The following MRPL49 variants were observed in gnomAD, a reference collection of about 807,000 sequenced individuals.
MRPL49 encodes the protein mitochondrial ribosomal protein L49, also known as large ribosomal subunit protein mL49.
In MRPL49, 14 loss-of-function variants were observed where a neutral mutation model predicts 18.4. The observed-to-expected ratio is 0.76, with a 90% CI of 0.50 to 1.19. The LOEUF (loss-of-function observed/expected upper bound fraction) is 1.19, where lower values mean the gene tolerates loss of function less well. Among genes scored for constraint, MRPL49 ranks in the 50% most tolerant of loss-of-function variants. MRPL49 has a pLI of 0.00. For missense variants in MRPL49, 190 were observed against 217.8 expected (o/e 0.87, Z 0.80); for synonymous variants, 104 against 86.2 (o/e 1.21, Z -1.14).
Position 65,122,331 on chromosome 11 carries a change from G to A in MRPL49, c.-16G>A, listed in dbSNP as rs1197823479. The A allele has an allele frequency of 3.7e-6, 6 of 1,610,202 alleles. No individual in the cohort carries two copies. The highest frequency in any genetic ancestry group is 5.1e-6 in the Non-Finnish European group (6 of 1,178,730). On this transcript the variant is annotated 5_prime_UTR_variant, in exon 1 of 4. Coordinates refer to ENST00000279242, the MANE Select transcript of MRPL49 (RefSeq NM_004927.4). ...CAGACAGTTGCGCGCACAGAAGGCT[G>A]GCGTAGCAGGTAAAGATGGCAGCTA...
chr11:65,122,283 G>A (rs1565334324), upstream of MRPL49: 1 of 1,572,746 alleles, frequency 6.4e-7, no homozygotes, highest in Non-Finnish European at 8.7e-7. Flanking sequence ...TGGGCAGGCA[G>A]CTCGCGCAGG....
rs1191942700 is a variant in MRPL49, at chr11:65,124,779, G to T, written c.229+127G>T. 11 of 1,048,324 alleles carry T rather than the reference G, an allele frequency of 1.0e-5. No individual in the cohort carries two copies. In the African/African-American group the frequency reaches 1.8e-4, roughly 17 times the overall value. 64.9% of individuals were successfully genotyped at this position (1,048,324 alleles called of 1,614,324 possible). A position where few individuals can be genotyped will look rare whatever the true frequency, so the allele number is the denominator to read the frequency against. On this transcript the variant is annotated intron_variant, in intron 2 of 3. Coordinates refer to ENST00000279242, the MANE Select transcript of MRPL49 (RefSeq NM_004927.4). ...AGGACTCATTTTGCAATCCCTCTGG[G>T]TTACATCTGTCTCATGCCCAAGGAA...
chr11:65,123,930 G>A (rs568004299), intron 1 of MRPL49, among the ~76,000 whole-genome samples: 1 of 151,898 alleles, frequency 6.6e-6, no homozygotes, highest in Non-Finnish European at 1.5e-5. Flanking sequence ...CTCTGTCACC[G>A]AGGCTGGAGT....
chr11:65,125,688 G>T, intron 3 of MRPL49, 38 bp from the exon 4 acceptor site: 1 of 1,611,766 alleles, frequency 6.2e-7, no homozygotes, highest in East Asian at 2.2e-5. Flanking sequence ...TTAAGGGAAG[G>T]GACTCTTGGC....
At position 65,125,725 on chromosome 11, in the gene MRPL49, G is replaced by T. The variant is rs1344476160; in HGVS notation, c.355-1G>T. 5 of 1,613,814 alleles carry T rather than the reference G, an allele frequency of 3.1e-6. No individual in the cohort carries two copies. The highest frequency in any genetic ancestry group is 1.3e-5 in the African/African-American group (1 of 74,998). On this transcript the variant is annotated splice_acceptor_variant, in intron 3 of 3. Transcript: ENST00000279242. LOFTEE classifies it high-confidence loss of function. The stretch of plus-strand genomic sequence containing the variant: ...TGACCTGATTTGTCATCTTTCCCCA[G>T]GCCCTGCAGAAAGACGTGGAAGATT...
rs751781232 is a variant in MRPL49 at position 65,124,667 on chromosome 11, T to C, written c.229+15T>C. 43 of 1,612,718 alleles carry C rather than the reference T, an allele frequency of 2.7e-5. No homozygotes were observed. The highest frequency in any genetic ancestry group is 5.9e-6 in the Non-Finnish European group (7 of 1,179,478). On this transcript the variant is annotated intron_variant, in intron 2 of 3. Transcript: ENST00000279242. ...GCCTCCCAGAGGTGAGCTGGGTGGT[T>C]AGGGATGATTTGAAAGCTTCACGGA... is the stretch of plus-strand genomic sequence containing the variant.
chr11:65,124,646 C>T lies in MRPL49; in HGVS notation c.223C>T (p.Pro75Ser), dbSNP rs1261470280. The change falls in exon 2 of 4, where the codon CCC becomes TCC. Residue 75 changes from proline (P) to serine (S), a missense_variant. Coordinates refer to ENST00000279242, the MANE Select transcript of MRPL49 (RefSeq NM_004927.4). ...TCCTACCCCTAGTGGCTGGCAGCCTCCCAGAGGTGAGCTGGGTGGTTAGGG... is the reference window on the plus strand; with the variant it reads ...TCCTACCCCTAGTGGCTGGCAGCCTTCCAGAGGTGAGCTGGGTGGTTAGGG... ...HYPTPSGWQP[P>S]RDPPPNLPYF... 23 of 1,613,878 alleles carry T rather than the reference C, an allele frequency of 1.4e-5. No homozygotes were observed. The highest frequency in any genetic ancestry group is 1.9e-5 in the Non-Finnish European group (23 of 1,179,966).
chr11:65,125,132 T>C lies in MRPL49; in HGVS notation c.230-356T>C, dbSNP rs1948087509. ...CCAGCATATGGTAGGTGCTCAGTGC[T>C]TGCAAATCCCAATCTCTTTGTTCCA... On this transcript the variant is annotated intron_variant, in intron 2 of 3. Coordinates refer to ENST00000279242, the MANE Select transcript of MRPL49 (RefSeq NM_004927.4). 7 of 350,800 alleles carry C rather than the reference T, an allele frequency of 2.0e-5. No individual in the cohort carries two copies. In the South Asian group the frequency reaches 2.3e-4, roughly 11 times the overall value. 21.7% of individuals were successfully genotyped at this position (350,800 alleles called of 1,614,324 possible).
Position 65,126,860 on chromosome 11 carries a change from C to T in MRPL49, c.*988C>T. 1 of 582,156 alleles carries T rather than the reference C, an allele frequency of 1.7e-6. No homozygotes were observed. The highest frequency in any genetic ancestry group is 2.9e-5 in the East Asian group (1 of 34,390). The allele number at this position is 582,156 out of a possible 1,614,324, so 36.1% of individuals were successfully genotyped here. On this transcript the variant is annotated 3_prime_UTR_variant, in exon 4 of 4. Transcript: ENST00000279242. Reference sequence around the variant, plus strand: ...CCAGCATAGGGACATCCCCCTGCAGCCTTCTGACCTGCAATCAAGGCTGGG... The same window carrying T: ...CCAGCATAGGGACATCCCCCTGCAGTCTTCTGACCTGCAATCAAGGCTGGG...
chr11:65,122,339 A>G lies in MRPL49; in HGVS notation c.-8A>G, dbSNP rs753923751. 3.1e-6 allele frequency: 5 copies of G among 1,611,508 alleles called. No homozygotes were observed. The highest frequency in any genetic ancestry group is 4.2e-6 in the Non-Finnish European group (5 of 1,179,172). ...TGCGCGCACAGAAGGCTGGCGTAGC[A>G]GGTAAAGATGGCAGCTACCATGTTC... On this transcript the variant is annotated 5_prime_UTR_variant, in exon 1 of 4. Coordinates refer to ENST00000279242, the MANE Select transcript of MRPL49 (RefSeq NM_004927.4).
intron 1 of MRPL49, among the ~76,000 whole-genome samples, chr11:65,123,918 C>T (rs1295437338): frequency 2.6e-5 from 4 of 152,060 alleles, no homozygotes; most frequent in East Asian, 1.9e-4. Context: ...AGAGTCTCGT[C>T]GCTCTGTCAC....
chr11:65,125,673 T>G (rs1590823232), intron 3 of MRPL49, 53 bp from the exon 4 acceptor site: 6 of 1,610,312 alleles, frequency 3.7e-6, no homozygotes, highest in Non-Finnish European at 5.1e-6. Context: ...GGGACAGGAG[T>G]CTTTTTAAGG....
At chr11:65,122,805 C>A (rs554507833) in intron 1 of MRPL49, among the ~76,000 whole-genome samples, 3 of 151,686 alleles carry the variant, frequency 2.0e-5, no homozygotes, top group Non-Finnish European at 4.4e-5. Context: ...CTGCAAGCTC[C>A]GCCTCCCAGA....
chr11:65,124,260 T>C (rs1226605244), intron 1 of MRPL49, among the ~76,000 whole-genome samples: 1 of 152,172 alleles, frequency 6.6e-6, no homozygotes, highest in African/African-American at 2.4e-5. Context: ...TTGTGGTAGT[T>C]CTTGTTATTA....
intron 2 of MRPL49, 116 bp from the exon 3 acceptor site, chr11:65,125,372 A>C: frequency 7.4e-7 from 1 of 1,343,858 alleles, no homozygotes; most frequent in Non-Finnish European, 1.0e-6. Flanking sequence ...TAAAGTCTGG[A>C]GGTGGCTTGG....
rs145835467 is a variant in MRPL49 at position 65,122,358 on chromosome 11, C to T, written c.12C>T (p.Thr4=). 486 of 1,612,790 alleles carry T rather than the reference C, an allele frequency of 3.0e-4. 1 individual carries two copies. Among genetic ancestry groups the T allele is most frequent in the Middle Eastern group, 1.0e-3 (6 of 5,834 alleles). The change falls in exon 1 of 4, where the codon ACC becomes ACT. Residue 4 remains threonine, a synonymous_variant. Transcript: ENST00000279242. ...CGTAGCAGGTAAAGATGGCAGCTACCATGTTCCGGGCTACGCTGCGGGGAT... is the reference window on the plus strand; with the variant it reads ...CGTAGCAGGTAAAGATGGCAGCTACTATGTTCCGGGCTACGCTGCGGGGAT... The part of the protein sequence containing the change: MAA[T]MFRATLRGWR...
Position 65,126,296 on chromosome 11 carries a change from T to TG in MRPL49, c.*425dup. 1 of 156,324 alleles carries TG rather than the reference T, an allele frequency of 6.4e-6. No homozygotes were observed. Among genetic ancestry groups the TG allele is most frequent in the Non-Finnish European group, 1.4e-5 (1 of 70,922 alleles). 9.7% of individuals were successfully genotyped at this position (156,324 alleles called of 1,614,324 possible). ...ATTACAGGCGCCCACCACCACAGCC[T>TG]GCTAATTTTTGTATTTTTAGTAGAG... On this transcript the variant is annotated 3_prime_UTR_variant, in exon 4 of 4. Coordinates refer to ENST00000279242, the MANE Select transcript of MRPL49 (RefSeq NM_004927.4).
intron 1 of MRPL49, among the ~76,000 whole-genome samples, chr11:65,124,073 A>G (rs558624973): frequency 6.6e-6 from 1 of 152,234 alleles, no homozygotes; most frequent in African/African-American, 2.4e-5. Flanking sequence ...TTTTCAGTAG[A>G]GATGGGGTTT....
rs779015918 is a variant in MRPL49, at chr11:65,124,682, A to G, written c.229+30A>G. Reference sequence around the variant, plus strand: ...GCTGGGTGGTTAGGGATGATTTGAAAGCTTCACGGAGCATCACCTCCTCCC... The same window carrying G: ...GCTGGGTGGTTAGGGATGATTTGAAGGCTTCACGGAGCATCACCTCCTCCC... On this transcript the variant is annotated intron_variant, in intron 2 of 3. Coordinates refer to ENST00000279242, the MANE Select transcript of MRPL49 (RefSeq NM_004927.4). 8 of 1,607,868 alleles carry G rather than the reference A, an allele frequency of 5.0e-6. No homozygotes were observed. In the African/African-American group the frequency reaches 8.0e-5, roughly 16 times the overall value.
Sources: allele counts gnomAD v4.1 joint callset (sites outside exome capture counted in the v4.1 genomes callset), GRCh38; gene constraint gnomAD v4.1.1; transcripts MANE v1.5; gene names NCBI Gene and HGNC (gene_info 2026-07-23, HGNC 2026-07-21).